Variants in CSMD1 observed in about 807,000 individuals in gnomAD.
CSMD1 encodes the protein CUB and sushi domain-containing protein 1.
CSMD1 carries 213 observed loss-of-function variants against 417.5 expected under a neutral mutation model. The ratio of observed to expected loss-of-function variants is 0.51; its 90% CI spans 0.46 to 0.57. The LOEUF is 0.57. CSMD1 is among the 20% of genes least tolerant of loss of function. The pLI is 0.00. For missense variants in CSMD1, 6,923 were observed against 4,529.7 expected (o/e 1.53, Z -15.17); for synonymous variants, 2,862 against 1,736.8 (o/e 1.65, Z -16.11).
intron 12 of CSMD1, among the ~76,000 whole-genome samples, chr8:3,431,801 T>C (rs116327768): frequency 0.01 from 1,575 of 152,330 alleles, 32 homozygotes; most frequent in African/African-American, 0.036. Context: ...ATTCATAACA[T>C]TGGAGAAAAC....
chr8:4,781,145 C>T (rs1262855958), intron 1 of CSMD1, among the ~76,000 whole-genome samples: 1 of 152,132 alleles, frequency 6.6e-6, no homozygotes, highest in African/African-American at 2.4e-5. Flanking sequence ...CCTGCAATCC[C>T]ACATAGTGGC....
intron 1 of CSMD1, among the ~76,000 whole-genome samples, chr8:4,925,756 T>C (rs922486256): frequency 6.6e-6 from 1 of 152,016 alleles, no homozygotes; most frequent in Non-Finnish European, 1.5e-5. Context: ...ACCGTGTTGG[T>C]CAGGATGGTC....
At chr8:3,555,324 T>A (rs1308119288) in intron 10 of CSMD1, among the ~76,000 whole-genome samples, 1 of 152,160 alleles carries the variant, frequency 6.6e-6, no homozygotes, top group Non-Finnish European at 1.5e-5. Flanking sequence ...GTTTTCATTC[T>A]GTTCTTGGGA....
intron 3 of CSMD1, among the ~76,000 whole-genome samples, chr8:4,146,701 T>C (rs1804156552): frequency 7.5e-6 from 1 of 133,664 alleles, no homozygotes; most frequent in East Asian, 2.4e-4. Context: ...AAGCTCCACC[T>C]CCCGAGTTCA....
chr8:3,333,534 C>T (rs1042510935), intron 23 of CSMD1, among the ~76,000 whole-genome samples: 1 of 152,278 alleles, frequency 6.6e-6, no homozygotes, highest in Non-Finnish European at 1.5e-5. Flanking sequence ...TATATAGATA[C>T]TGCAATTTAC....
intron 12 of CSMD1, among the ~76,000 whole-genome samples, chr8:3,465,516 G>A (rs1419165384): frequency 6.6e-6 from 1 of 152,124 alleles, no homozygotes; most frequent in Admixed American, 6.5e-5. Context: ...GGGGTAGTGG[G>A]GGTGCCAGGA....
intron 2 of CSMD1, among the ~76,000 whole-genome samples, chr8:4,464,594 G>A (rs539697772): frequency 2.6e-5 from 4 of 152,226 alleles, no homozygotes; most frequent in Non-Finnish European, 4.4e-5. Flanking sequence ...TCTACTGAAC[G>A]TGTTATTACT....
intron 2 of CSMD1, among the ~76,000 whole-genome samples, chr8:4,636,336 C>T (rs1411206440): frequency 4.6e-5 from 7 of 152,016 alleles, no homozygotes; most frequent in South Asian, 4.1e-4. Context: ...AAAAATGATA[C>T]CAGGAAATGT....
In CSMD1 at chr8:3,668,895, G is replaced by A. The variant is rs533125980; in HGVS notation, c.1009+39519C>T. ...TATCAGCCTTAATGCGGGTGGCAAA[G>A]CAACGCCTACATCCCCTCAGCCATA... On this transcript the variant is annotated intron_variant, in intron 7 of 69. Transcript: ENST00000635120. Among the ~76,000 whole-genome samples, 3 of 152,158 alleles carry A rather than the reference G, an allele frequency of 2.0e-5. No individual in the cohort carries two copies. The East Asian group carries it at 5.8e-4, about 29-fold the overall frequency.
intron 9 of CSMD1, 27 bp from the exon 10 acceptor site, chr8:3,575,093 T>C (rs375406489): frequency 6.2e-7 from 1 of 1,610,300 alleles, no homozygotes; most frequent in African/African-American, 1.3e-5. Context: ...ACGACGTTAT[T>C]TTCTACAACA....
chr8:2,942,400 G>T, intron 69 of CSMD1, 72 bp downstream of exon 69: 1 of 1,305,984 alleles, frequency 7.7e-7, no homozygotes, highest in South Asian at 1.5e-5. Context: ...GTGAGCACGA[G>T]AGCATGCCCA....
chr8:3,675,938 C>G (rs1799352485), intron 7 of CSMD1, among the ~76,000 whole-genome samples: 2 of 152,154 alleles, frequency 1.3e-5, no homozygotes. Flanking sequence ...GAGTAATGTA[C>G]CTGAGTATTA....
intron 5 of CSMD1, among the ~76,000 whole-genome samples, chr8:3,977,903 C>T (rs533655331): frequency 6.6e-6 from 1 of 152,094 alleles, no homozygotes; most frequent in Non-Finnish European, 1.5e-5. Context: ...GGTAACTGAC[C>T]TCCAATTTCA....
intron 23 of CSMD1, among the ~76,000 whole-genome samples, chr8:3,315,659 A>C (rs1194018295): frequency 1.3e-5 from 2 of 148,392 alleles, no homozygotes; most frequent in South Asian, 2.1e-4. Flanking sequence ...AAAAAATAGC[A>C]ATAGCAAACA....
chr8:4,885,445 T>C (rs1186202140), intron 1 of CSMD1, among the ~76,000 whole-genome samples: 1 of 152,070 alleles, frequency 6.6e-6, no homozygotes, highest in Non-Finnish European at 1.5e-5. Flanking sequence ...TCTTTTAACA[T>C]TAAGTATAAT....
chr8:4,729,638 C>T (rs1205748799), intron 1 of CSMD1, among the ~76,000 whole-genome samples: 1 of 152,150 alleles, frequency 6.6e-6, no homozygotes. Context: ...GGGGGGAATG[C>T]AAACTTTGCA....
rs1411875737 is a variant in CSMD1, at chr8:4,251,543, C to G, written c.415+168410G>C. Among the ~76,000 whole-genome samples the G allele has an allele frequency of 2.0e-5, 3 of 152,114 alleles. No individual in the cohort carries two copies. In the East Asian group the frequency reaches 5.8e-4, roughly 29 times the overall value. On this transcript the variant is annotated intron_variant, in intron 3 of 69. Coordinates refer to ENST00000635120, the MANE Select transcript of CSMD1 (RefSeq NM_033225.6). ...ATAAATAGCCTAAATGATCTCTAAGCAATTTAATCAGGGCAGTATCCCACA... is the reference window on the plus strand; with the variant it reads ...ATAAATAGCCTAAATGATCTCTAAGGAATTTAATCAGGGCAGTATCCCACA...
At chr8:3,010,497 G>T (rs79659080) in intron 52 of CSMD1, among the ~76,000 whole-genome samples, 8,776 of 152,050 alleles carry the variant, frequency 0.058, 273 homozygotes, top group Admixed American at 0.076. Flanking sequence ...TTCGACCCCA[G>T]CACCTGCTTG....
intron 1 of CSMD1, among the ~76,000 whole-genome samples, chr8:4,851,378 C>A (rs1377071670): frequency 1.3e-5 from 2 of 152,068 alleles, no homozygotes; most frequent in African/African-American, 4.8e-5. Flanking sequence ...ATGATCCCAC[C>A]AATTCCTGCT....
Sources: allele counts gnomAD v4.1 joint callset (sites outside exome capture counted in the v4.1 genomes callset), GRCh38; gene constraint gnomAD v4.1.1; transcripts MANE v1.5; gene names NCBI Gene and HGNC (gene_info 2026-07-23, HGNC 2026-07-21).